Variants in ASIP observed in about 807,000 individuals in gnomAD.
The protein encoded by ASIP is agouti signaling protein.
Under a neutral mutation model 10.3 loss-of-function variants are expected in ASIP, and 11 were observed. That is an observed-to-expected ratio of 1.07 (90% CI 0.68 to 1.78). The LOEUF is 1.78. Among genes scored for constraint, ASIP ranks in the 40% most tolerant of loss-of-function variants. The pLI is 0.00. For missense variants in ASIP, 180 were observed against 169.2 expected (o/e 1.06, Z -0.35); for synonymous variants, 70 against 70.8 (o/e 0.99, Z 0.06).
At chr20:34,191,003 C>CAGCAGG (rs2034821594), upstream of ASIP, among the ~76,000 whole-genome samples, 3 of 152,206 alleles carry the variant, frequency 2.0e-5, no homozygotes, top group African/African-American at 7.2e-5. Context: ...CATGCACCCC[C>CAGCAGG]ATATGCACAT....
chr20:34,214,427 C>G lies in ASIP; in HGVS notation c.-11+19667C>G, dbSNP rs2122552709. 4 of 1,492,154 alleles carry G rather than the reference C, an allele frequency of 2.7e-6. No homozygotes were observed. In the South Asian group the frequency reaches 3.4e-5, roughly 13 times the overall value. 92.4% of individuals were successfully genotyped at this position (1,492,154 alleles called of 1,614,324 possible). ...ATGTTACCAGAGTTCGCATCATACC[C>G]TGCAAAGCACTAGCTTTTGAAACAT... On this transcript the variant is annotated intron_variant, in intron 1 of 3. Coordinates refer to the ASIP transcript ENST00000568305.
chr20:34,234,972 C>CT (rs2035160452), intron 1 of ASIP: 1 of 152,034 alleles, frequency 6.6e-6, no homozygotes, highest in Admixed American at 6.6e-5. Flanking sequence ...ATCATAGCTC[C>CT]TAAGGGTACA....
intron 1 of ASIP, among the ~76,000 whole-genome samples, chr20:34,254,282 C>T (rs1350600396): frequency 6.6e-6 from 1 of 152,134 alleles, no homozygotes; most frequent in African/African-American, 2.4e-5. Flanking sequence ...AGGCTGGTCT[C>T]GAACTCCTGA....
intron 3 of ASIP, among the ~76,000 whole-genome samples, chr20:34,268,637 G>T (rs2122687302): frequency 6.6e-6 from 1 of 152,120 alleles, no homozygotes; most frequent in East Asian, 1.9e-4. Context: ...TTGGGAGGTT[G>T]AAGTGGCAGA....
chr20:34,193,893 G>C (rs546079703), upstream of ASIP, among the ~76,000 whole-genome samples: 341 of 152,318 alleles, frequency 2.2e-3, no homozygotes, highest in Middle Eastern at 0.01. Flanking sequence ...TAAATGTCTG[G>C]ACAGCTTTGT....
intron 1 of ASIP, among the ~76,000 whole-genome samples, chr20:34,219,431 G>A (rs1442198115): frequency 1.3e-5 from 2 of 152,210 alleles, no homozygotes; most frequent in Non-Finnish European, 2.9e-5. Context: ...CCAGGAGCTA[G>A]TGTATTTGCA....
At chr20:34,260,146 T>C (rs1308871436) in intron 1 of ASIP, among the ~76,000 whole-genome samples, 1 of 152,032 alleles carries the variant, frequency 6.6e-6, no homozygotes, top group African/African-American at 2.4e-5. Flanking sequence ...AATCTCCTTC[T>C]GTTCCTTGTC....
At chr20:34,213,476 G>T in intron 1 of ASIP, 2 of 1,318,096 alleles carry the variant, frequency 1.5e-6, no homozygotes, top group Non-Finnish European at 2.1e-6. Context: ...GTTTTGAAGT[G>T]AACACTGAAA....
rs555832377 is a variant in ASIP, at chr20:34,232,738, A to C, written c.-10-27627A>C. Among the ~76,000 whole-genome samples, 17 of 152,340 alleles carry C rather than the reference A, an allele frequency of 1.1e-4. No individual in the cohort carries two copies. The South Asian group carries it at 3.5e-3, about 32-fold the overall frequency. On this transcript the variant is annotated intron_variant, in intron 1 of 3. Coordinates refer to the ASIP transcript ENST00000568305. ...CCAGTCTGTGTTTGTACATGTATGTAGATGTATGTCCACCTTTGACAGCAC... is the reference window on the plus strand; with the variant it reads ...CCAGTCTGTGTTTGTACATGTATGTCGATGTATGTCCACCTTTGACAGCAC...
At chr20:34,262,488 A>G (rs1205804228) in intron 2 of ASIP, among the ~76,000 whole-genome samples, 3 of 152,186 alleles carry the variant, frequency 2.0e-5, no homozygotes, top group East Asian at 1.9e-4. Flanking sequence ...GCCTGCCACA[A>G]TGGAGATGAA....
intron 1 of ASIP, chr20:34,213,389 G>A (rs977421186): frequency 7.3e-5 from 46 of 631,578 alleles, no homozygotes; most frequent in Non-Finnish European, 1.2e-4. Context: ...ATGCCAGAGA[G>A]TGGAGTGTTG....
intron 1 of ASIP, among the ~76,000 whole-genome samples, chr20:34,205,429 C>T (rs919204253): frequency 7.4e-5 from 11 of 149,148 alleles, no homozygotes; most frequent in Admixed American, 5.3e-4. Flanking sequence ...CTCGTGGTCT[C>T]GCTGGCTTCA....
intron 1 of ASIP, among the ~76,000 whole-genome samples, chr20:34,202,766 T>G (rs1601569847): frequency 6.6e-6 from 1 of 151,708 alleles, no homozygotes; most frequent in Non-Finnish European, 1.5e-5. Context: ...AAGTCCTTCA[T>G]GCCTCTCATC....
chr20:34,255,703 G>T (rs535801143), intron 1 of ASIP, among the ~76,000 whole-genome samples: 1 of 152,182 alleles, frequency 6.6e-6, no homozygotes. Context: ...GAAGGGACAC[G>T]GTGAGCAAGT....
intron 1 of ASIP, among the ~76,000 whole-genome samples, chr20:34,200,954 TTC>T (rs1245854492): frequency 3.9e-5 from 4 of 103,210 alleles, no homozygotes; most frequent in Admixed American, 8.6e-5. Context: ...TTGATTTTCT[TTC>T]TTTCTTTCTT....
chr20:34,214,774 G>A (rs771298759), intron 1 of ASIP: 47 of 1,426,230 alleles, frequency 3.3e-5, no homozygotes, highest in Non-Finnish European at 4.2e-5. Flanking sequence ...TTGCTGATCC[G>A]AGAGCACTGT....
intron 1 of ASIP, among the ~76,000 whole-genome samples, chr20:34,255,672 G>C (rs1048930192): frequency 6.6e-6 from 1 of 152,134 alleles, no homozygotes; most frequent in Non-Finnish European, 1.5e-5. Flanking sequence ...GGAAAAACCA[G>C]GCCATACAGA....
At chr20:34,243,758 T>TA (rs760280764) in intron 1 of ASIP, among the ~76,000 whole-genome samples, 4,823 of 134,040 alleles carry the variant, frequency 0.036, 235 homozygotes, top group African/African-American at 0.11. Flanking sequence ...ATATTGTATT[T>TA]AAAAAAAAAA....
At chr20:34,223,899 C>A in intron 1 of ASIP, among the ~76,000 whole-genome samples, 1 of 102,546 alleles carries the variant, frequency 9.8e-6, no homozygotes, top group Non-Finnish European at 2.0e-5. Context: ...CCTTGGGATC[C>A]TGTTGATCTG....
Sources: gnomAD v4.1 joint callset for allele counts (sites outside exome capture counted in the v4.1 genomes callset) on GRCh38, gnomAD v4.1.1 for gene constraint, MANE v1.5 for transcripts, NCBI Gene and HGNC (gene_info 2026-07-23, HGNC 2026-07-21) for gene names.